LY96: variants seen among roughly 807,000 people sequenced by gnomAD.
LY96 encodes the protein lymphocyte antigen 96, also known as myeloid differentiation protein-2.
A neutral mutation model predicts 18.9 loss-of-function variants in LY96; 18 were observed. The ratio of observed to expected loss-of-function variants is 0.95; its 90% confidence interval spans 0.66 to 1.41. The LOEUF (loss-of-function observed/expected upper bound fraction) is 1.41. Ranked by LOEUF, LY96 falls within the 40% of genes most tolerant of loss-of-function variation. LY96 has a pLI of 0.00. For synonymous variants in LY96, 66 were observed against 62.6 expected, an observed-to-expected ratio of 1.06 and a Z score of -0.26; for missense variants, 175 against 182.4, an observed-to-expected ratio of 0.96 and a Z score of 0.23.
intron 2 of LY96, among the ~76,000 whole-genome samples, chr8:74,007,863 G>A (rs982277537): frequency 2.6e-5 from 4 of 152,136 alleles, no homozygotes; most frequent in African/African-American, 4.8e-5. Context: ...GGGTTCCAAC[G>A]ATTCTCCTGC....
the LY96 span, among the ~76,000 whole-genome samples, chr8:74,077,856 C>CT: frequency 1.3e-5 from 2 of 151,676 alleles, no homozygotes; most frequent in Non-Finnish European, 2.9e-5. Context: ...GTCTGTAATC[C>CT]CAGCACTTTG....
chr8:74,094,948 A>T, the LY96 span, among the ~76,000 whole-genome samples: 10 of 152,200 alleles, frequency 6.6e-5, no homozygotes, highest in African/African-American at 2.4e-4. Context: ...TGGTGATAGG[A>T]GATGATTTTA....
At chr8:74,037,960 C>T in the LY96 span, among the ~76,000 whole-genome samples, 1 of 152,166 alleles carries the variant, frequency 6.6e-6, no homozygotes, top group Admixed American at 6.5e-5. Flanking sequence ...GTAGAGTAAG[C>T]ACAGTGCCTA....
the LY96 span, among the ~76,000 whole-genome samples, chr8:74,075,492 A>G: frequency 2.0e-5 from 3 of 152,122 alleles, no homozygotes; most frequent in African/African-American, 7.2e-5. Flanking sequence ...GCTATTCTCA[A>G]ACTCCTGGCT....
chr8:74,078,082 C>G, the LY96 span, among the ~76,000 whole-genome samples: 1 of 150,098 alleles, frequency 6.7e-6, no homozygotes, highest in East Asian at 1.9e-4. Context: ...CACTCCAACC[C>G]GAGTGACAGA....
the LY96 span, among the ~76,000 whole-genome samples, chr8:74,066,743 A>C: frequency 6.6e-6 from 1 of 152,152 alleles, no homozygotes; most frequent in Non-Finnish European, 1.5e-5. Context: ...AAGGCAAGAG[A>C]CTGGAGGCAG....
At chr8:73,999,448 C>T (rs573378676) in intron 1 of LY96, among the ~76,000 whole-genome samples, 11 of 151,934 alleles carry the variant, frequency 7.2e-5, no homozygotes, top group African/African-American at 1.7e-4. Flanking sequence ...TTTGTACAGA[C>T]GGGGTTTTGC....
At chr8:74,091,908 T>G in the LY96 span, among the ~76,000 whole-genome samples, 1 of 152,228 alleles carries the variant, frequency 6.6e-6, no homozygotes. Flanking sequence ...ATTCGGCAAA[T>G]GCATGGTGTG....
At chr8:74,017,354 A>C (rs1204357258) in intron 3 of LY96, among the ~76,000 whole-genome samples, 1 of 152,230 alleles carries the variant, frequency 6.6e-6, no homozygotes, top group Non-Finnish European at 1.5e-5. Context: ...GTTTAGAGAA[A>C]AAAGAGTAGT....
chr8:74,054,618 T>TTTCTTTCTC, the LY96 span, among the ~76,000 whole-genome samples: 16 of 12,900 alleles, frequency 1.2e-3, no homozygotes, highest in African/African-American at 4.1e-3. Context: ...TTCCTTTTCC[T>TTTCTTTCTC]TCTTTCTTTC....
chr8:74,029,597 A>G (rs568821979), downstream of LY96, among the ~76,000 whole-genome samples: 5 of 152,108 alleles, frequency 3.3e-5, no homozygotes, highest in African/African-American at 1.2e-4. Flanking sequence ...CCCTTCTGCC[A>G]TGATTGTTTC....
At chr8:74,005,878 A>G (rs191776847) in intron 2 of LY96, among the ~76,000 whole-genome samples, 4 of 152,304 alleles carry the variant, frequency 2.6e-5, no homozygotes, top group African/African-American at 9.6e-5. Flanking sequence ...CATAATTTAC[A>G]TCCTAGTTTA....
At chr8:74,053,423 T>C in the LY96 span, among the ~76,000 whole-genome samples, 2 of 152,214 alleles carry the variant, frequency 1.3e-5, no homozygotes, top group Non-Finnish European at 2.9e-5. Flanking sequence ...TAAATTCCCA[T>C]CTTCCCCTAC....
the LY96 span, among the ~76,000 whole-genome samples, chr8:74,070,705 T>C: frequency 6.6e-6 from 1 of 152,154 alleles, no homozygotes; most frequent in Admixed American, 6.5e-5. Context: ...ATCCTGCCTC[T>C]GGAATCAGTT....
the LY96 span, among the ~76,000 whole-genome samples, chr8:74,057,192 C>A: frequency 4.3e-3 from 650 of 152,236 alleles, 3 homozygotes; most frequent in African/African-American, 0.015. Context: ...CGCACCTTTC[C>A]CCTTGCAACA....
At chr8:74,071,929 G>A in the LY96 span, among the ~76,000 whole-genome samples, 44 of 152,180 alleles carry the variant, frequency 2.9e-4, no homozygotes, top group Non-Finnish European at 4.4e-4. Context: ...GTTGATGTCC[G>A]TTTGAGTTGT....
At chr8:74,026,350 C>G (rs568365217) in intron 3 of LY96, among the ~76,000 whole-genome samples, 1 of 152,230 alleles carries the variant, frequency 6.6e-6, no homozygotes, top group Non-Finnish European at 1.5e-5. Flanking sequence ...TTGAGCTTCT[C>G]AGTGGTGTAA....
chr8:74,066,713 C>T, the LY96 span, among the ~76,000 whole-genome samples: 2 of 152,066 alleles, frequency 1.3e-5, no homozygotes, highest in Admixed American at 1.3e-4. Context: ...TAAAGATTTC[C>T]CTGGAGGCAG....
the LY96 span, among the ~76,000 whole-genome samples, chr8:74,042,122 G>A: frequency 6.6e-6 from 1 of 152,074 alleles, no homozygotes; most frequent in African/African-American, 2.4e-5. Flanking sequence ...AAATATTGGG[G>A]GCAGGTTCCA....
Sources: gnomAD v4.1 joint callset for allele counts (sites outside exome capture counted in the v4.1 genomes callset) on GRCh38, gnomAD v4.1.1 for gene constraint, MANE v1.5 for transcripts, NCBI Gene and HGNC (gene_info 2026-07-23, HGNC 2026-07-21) for gene names.